Variants in RMND5B observed in about 807,000 individuals in gnomAD.
RMND5B encodes the protein E3 ubiquitin-protein transferase RMND5B.
Under a neutral mutation model 50.4 loss-of-function variants are expected in RMND5B, and 42 were observed. The observed-to-expected ratio is 0.83, with a 90% CI of 0.65 to 1.08. The LOEUF is 1.08. Among genes scored for constraint, RMND5B ranks in the 50% least tolerant of loss-of-function variants. The probability of loss-of-function intolerance (pLI) is 0.00; values close to 1 mark genes in which losing one functional copy is unlikely to be tolerated. For missense variants in RMND5B, 463 were observed against 508.5 expected (o/e 0.91, Z 0.86); for synonymous variants, 220 against 210.0 (o/e 1.05, Z -0.41).
chr5:178,143,809 C>T (rs2113426409), intron 6 of RMND5B, 82 bp downstream of exon 6: 1 of 1,458,104 alleles, frequency 6.9e-7, no homozygotes, highest in Middle Eastern at 1.8e-4. Flanking sequence ...TTCATTTCAC[C>T]CAGATGTACT....
chr5:178,131,741 G>A (rs930634321), intron 2 of RMND5B, among the ~76,000 whole-genome samples: 1 of 152,132 alleles, frequency 6.6e-6, no homozygotes, highest in Non-Finnish European at 1.5e-5. Context: ...CGGGAAGAGA[G>A]TGGTCCAGGC....
rs764599537 is a variant in RMND5B, at chr5:178,143,633, A to G, written c.433A>G (p.Thr145Ala). 5 of 1,612,938 alleles carry G rather than the reference A, an allele frequency of 3.1e-6. No individual in the cohort carries two copies. In the South Asian group the frequency reaches 5.5e-5, roughly 18 times the overall value. ...SVAEELCQESTLNVDLDFKQP... is the reference protein window; with the variant it reads ...SVAEELCQESALNVDLDFKQP... ...CTTCTCTCTCTCCTTGTAGGAATCA[A>G]CGCTGAATGTGGACTTGGATTTCAA... The change falls in exon 6 of 11, where the codon ACG becomes GCG. Residue 145 changes from threonine to alanine, a missense_variant. Physicochemically the swap from Thr to Ala is moderately conservative, Grantham distance 58. Transcript: ENST00000313386.
In RMND5B at chr5:178,149,941, G is replaced by A. The variant is rs1172260579; in HGVS notation, c.*1909G>A. 8.0e-7 allele frequency: 1 copy of A among 1,246,184 alleles called. No homozygotes were observed. 77.2% of individuals were successfully genotyped at this position (1,246,184 alleles called of 1,614,324 possible). A position where few individuals can be genotyped will look rare whatever the true frequency, so the allele number is the denominator to read the frequency against. ...CCAGCCTAATCTGGCCCACAACCAT[G>A]TTCTGTTCGGTCCATGTTCTATTTA... On this transcript the variant is annotated 3_prime_UTR_variant, in exon 11 of 11. Transcript: ENST00000313386.
At chr5:178,131,979 AC>A (rs1758334886) in intron 2 of RMND5B, among the ~76,000 whole-genome samples, 1 of 152,264 alleles carries the variant, frequency 6.6e-6, no homozygotes, top group African/African-American at 2.4e-5. Flanking sequence ...CAGAGGAGTG[AC>A]ATGTAGGGTA....
chr5:178,147,083 T>G, intron 8 of RMND5B: 1 of 180,362 alleles, frequency 5.5e-6, no homozygotes, highest in Non-Finnish European at 1.2e-5. Context: ...GTAGGCTCCC[T>G]TCCCCATGCA....
At chr5:178,142,562 C>T (rs758480364) in intron 3 of RMND5B, 21 bp from the exon 4 acceptor site, 5 of 1,597,460 alleles carry the variant, frequency 3.1e-6, no homozygotes, top group African/African-American at 2.7e-5. Context: ...CCTCTGTGTC[C>T]TTATTCCACT....
intron 5 of RMND5B, 34 bp from the exon 6 acceptor site, chr5:178,143,593 C>A: frequency 6.8e-7 from 1 of 1,480,144 alleles, no homozygotes; most frequent in Non-Finnish European, 9.4e-7. Context: ...ACACCATCTT[C>A]CAGTGGTGGG....
Position 178,149,479 on chromosome 5 carries a change from T to A in RMND5B, c.*1447T>A, listed in dbSNP as rs1756202387. ...CTCACCACATTTTAGTCTTAGCATT[T>A]ACTTTCCCCACCCCACATTCTTGGA... On this transcript the variant is annotated 3_prime_UTR_variant, in exon 11 of 11. Transcript: ENST00000313386. The A allele has an allele frequency of 1.9e-6, 1 of 518,818 alleles. No individual in the cohort carries two copies. Among genetic ancestry groups the A allele is most frequent in the Admixed American group, 3.3e-5 (1 of 30,360 alleles). The allele number at this position is 518,818 out of a possible 1,614,324, so 32.1% of individuals were successfully genotyped here.
chr5:178,142,331 C>A, intron 3 of RMND5B: 1 of 478,784 alleles, frequency 2.1e-6, no homozygotes. Flanking sequence ...ATCTTCATTT[C>A]ACAGCAACCA....
rs1309565231 is a variant in RMND5B, at chr5:178,146,230, G to C, written c.811G>C (p.Asp271His). 6.2e-7 allele frequency: 1 copy of C among 1,614,196 alleles called. No homozygotes were observed. The highest frequency in any genetic ancestry group is 8.5e-7 in the Non-Finnish European group (1 of 1,180,022). The change falls in exon 8 of 11, where the codon GAC becomes CAC. Residue 271 changes from aspartate (D) to histidine (H), a missense_variant. Transcript: ENST00000313386. ...AGAGATCTGTGAGACCTTTACCCGGGACGCCTGTTCCCTGCTGGGGCTTTC... is the reference window on the plus strand; with the variant it reads ...AGAGATCTGTGAGACCTTTACCCGGCACGCCTGTTCCCTGCTGGGGCTTTC... The part of the protein sequence containing the change: ...WAEICETFTR[D>H]ACSLLGLSVE...
chr5:178,133,907 G>A (rs1365284687), intron 2 of RMND5B, among the ~76,000 whole-genome samples: 1 of 151,726 alleles, frequency 6.6e-6, no homozygotes, highest in Admixed American at 6.6e-5. Flanking sequence ...TAGAGATGGG[G>A]TTTCACCGTG....
At position 178,142,612 on chromosome 5, in the gene RMND5B, C is replaced by T. The variant is rs747881483; in HGVS notation, c.169C>T (p.Leu57Phe). Residue 57 changes from leucine (L) to phenylalanine (F), a missense_variant, in exon 4 of 11, where the codon CTC becomes TTC. Transcript: ENST00000313386. ...CCAGGGGACCCCTCTCTCAGCCACC[C>T]TCTCTCTGGTGATGTCACAGTGCTG... is the stretch of plus-strand genomic sequence containing the variant. Reference protein sequence around the residue: ...ALQGTPLSATLSLVMSQCCRK... With the variant: ...ALQGTPLSATFSLVMSQCCRK... 2.5e-6 allele frequency: 4 copies of T among 1,613,888 alleles called. No homozygotes were observed. The highest frequency in any genetic ancestry group is 1.6e-4 in the Middle Eastern group (1 of 6,062).
chr5:178,132,091 C>T (rs1310394964), intron 2 of RMND5B, among the ~76,000 whole-genome samples: 1 of 152,002 alleles, frequency 6.6e-6, no homozygotes, highest in Non-Finnish European at 1.5e-5. Flanking sequence ...GACTGGCAGA[C>T]GGCTTGAGCT....
At chr5:178,143,792 T>C in intron 6 of RMND5B, 65 bp downstream of exon 6, 1 of 1,472,670 alleles carries the variant, frequency 6.8e-7, no homozygotes, top group East Asian at 2.3e-5. Context: ...AGGGCTTGAC[T>C]GTGGTCTTCA....
At chr5:178,140,785 G>A (rs538742478) in intron 3 of RMND5B, among the ~76,000 whole-genome samples, 3 of 151,146 alleles carry the variant, frequency 2.0e-5, no homozygotes, top group East Asian at 3.9e-4. Context: ...AGCCAAGATC[G>A]CGCCACTGCA....
Position 178,138,419 on chromosome 5 carries a change from T to C in RMND5B, c.139+161T>C. The C allele has an allele frequency of 7.2e-7, 1 of 1,388,770 alleles. No individual in the cohort carries two copies. The highest frequency in any genetic ancestry group is 9.3e-7 in the Non-Finnish European group (1 of 1,075,668). 86.0% of individuals were successfully genotyped at this position (1,388,770 alleles called of 1,614,324 possible). A position where few individuals can be genotyped will look rare whatever the true frequency, so the allele number is the denominator to read the frequency against. ...CGGGTAATGACAGTCTCTGAGCTAC[T>C]TCAAAAAGCCCAACAAATTATTAAT... On this transcript the variant is annotated intron_variant, in intron 3 of 10. Coordinates refer to ENST00000313386, the MANE Select transcript of RMND5B (RefSeq NM_022762.5). The surrounding 1 kb of genome is among the most constrained non-coding windows in gnomAD (Gnocchi z 5.1).
Position 178,147,524 on chromosome 5 carries a change from T to C in RMND5B, c.861-9T>C, listed in dbSNP as rs370142413. ...CTGAGCCACTCTAGCCCCTGTTCCT[T>C]GTCTGCAGCTTTGCCTCTGGCTGTG... On this transcript the variant is annotated splice_polypyrimidine_tract_variant and intron_variant, in intron 8 of 10. Coordinates refer to ENST00000313386, the MANE Select transcript of RMND5B (RefSeq NM_022762.5). The C allele has an allele frequency of 4.2e-5, 67 of 1,613,062 alleles. No individual in the cohort carries two copies. The highest frequency in any genetic ancestry group is 5.3e-5 in the African/African-American group (4 of 74,918).
At chr5:178,139,565 T>A (rs373597923) in intron 3 of RMND5B, among the ~76,000 whole-genome samples, 1 of 142,712 alleles carries the variant, frequency 7.0e-6, no homozygotes, top group African/African-American at 2.6e-5. Flanking sequence ...TTTTTTGATA[T>A]AGAGTTTTGC....
At chr5:178,140,043 T>C (rs1161296513) in intron 3 of RMND5B, among the ~76,000 whole-genome samples, 1 of 152,222 alleles carries the variant, frequency 6.6e-6, no homozygotes, top group African/African-American at 2.4e-5. Context: ...GCAGAACGTC[T>C]CTCAATTTGG....
Sources: allele counts gnomAD v4.1 joint callset (sites outside exome capture counted in the v4.1 genomes callset), GRCh38; gene constraint gnomAD v4.1.1; non-coding constraint Gnocchi (gnomAD v3.1); transcripts MANE v1.5; gene names NCBI Gene and HGNC (gene_info 2026-07-23, HGNC 2026-07-21).